The following SLCO1B3 variants were observed in gnomAD, a reference collection of about 807,000 sequenced individuals.
The protein encoded by SLCO1B3 is solute carrier organic anion transporter family member 1B3.
In SLCO1B3, 72 loss-of-function variants were observed where a neutral mutation model predicts 71.8. The observed-to-expected ratio is 1.00, with a 90% CI of 0.83 to 1.22. SLCO1B3 has a LOEUF of 1.22. Ranked by LOEUF, SLCO1B3 falls within the 50% of genes most tolerant of loss-of-function variation. SLCO1B3 has a pLI of 0.00. For synonymous variants in SLCO1B3, 298 were observed against 278.4 expected, an observed-to-expected ratio of 1.07 and a Z score of -0.70; for missense variants, 911 against 819.7, an observed-to-expected ratio of 1.11 and a Z score of -1.36.
intron 3 of SLCO1B3, among the ~76,000 whole-genome samples, chr12:20,839,536 A>G (rs1414010818): frequency 3.3e-5 from 5 of 152,080 alleles, no homozygotes; most frequent in Admixed American, 2.0e-4. Context: ...CTTTGTTCCT[A>G]TATAGGTAAG....
chr12:20,819,990 G>A (rs1251911454), intron 3 of SLCO1B3, among the ~76,000 whole-genome samples: 2 of 152,008 alleles, frequency 1.3e-5, no homozygotes, highest in African/African-American at 2.4e-5. Flanking sequence ...GCCTAATAAG[G>A]GAACTGGGCA....
rs1374033529 is a variant in SLCO1B3, at chr12:20,862,858, A to G, written c.727+4A>G. ...GATATTGGATATGTAGATCTGAGTA[A>G]GTACAATTAGAACAAGGTACCATGA... On this transcript the variant is annotated splice_donor_region_variant and intron_variant, in intron 8 of 15. Coordinates refer to ENST00000381545, the MANE Select transcript of SLCO1B3 (RefSeq NM_019844.4). The G allele has an allele frequency of 6.7e-7, 1 of 1,497,552 alleles. No individual in the cohort carries two copies. Among genetic ancestry groups the G allele is most frequent in the Admixed American group, 1.7e-5 (1 of 59,242 alleles). 92.8% of individuals were successfully genotyped at this position (1,497,552 alleles called of 1,614,324 possible). A position where few individuals can be genotyped will look rare whatever the true frequency, so the allele number is the denominator to read the frequency against.
chr12:20,886,042 T>C (rs1030204753), intron 13 of SLCO1B3, among the ~76,000 whole-genome samples: 1 of 152,094 alleles, frequency 6.6e-6, no homozygotes, highest in African/African-American at 2.4e-5. Context: ...GCTTCATTCT[T>C]TGTTTTGTTT....
At chr12:20,900,373 AG>A (rs1174900851) in intron 14 of SLCO1B3, among the ~76,000 whole-genome samples, 31 of 152,224 alleles carry the variant, frequency 2.0e-4, no homozygotes, top group African/African-American at 6.8e-4. Context: ...AAACAGAACA[AG>A]AACAAAGTAA....
intron 3 of SLCO1B3, among the ~76,000 whole-genome samples, chr12:20,824,295 A>G (rs536508885): frequency 2.0e-5 from 3 of 152,184 alleles, no homozygotes; most frequent in East Asian, 1.9e-4. Flanking sequence ...GGTCCATGCA[A>G]TTAACTCCAT....
intron 3 of SLCO1B3, among the ~76,000 whole-genome samples, chr12:20,833,191 G>A (rs1269183212): frequency 1.3e-5 from 2 of 152,020 alleles, no homozygotes; most frequent in Non-Finnish European, 2.9e-5. Flanking sequence ...TGATTACAAT[G>A]GATTCACTAG....
In SLCO1B3 at chr12:20,862,205, G is replaced by T. The variant is rs1017385; in HGVS notation, c.482-207G>T. ...ATCTAGAATAACATTTGCAATGATC[G>T]TCTGTGTGTAGTGTAATTATAGAAA... On this transcript the variant is annotated intron_variant, in intron 6 of 15. Coordinates refer to ENST00000381545, the MANE Select transcript of SLCO1B3 (RefSeq NM_019844.4). Among the ~76,000 whole-genome samples, 110,133 of 152,012 alleles carry T rather than the reference G, an allele frequency of 0.72. 42,483 individuals carry two copies. The highest frequency in any genetic ancestry group is 0.9 in the South Asian group (4,338 of 4,820).
At chr12:20,813,272 T>A (rs890854260) in intron 1 of SLCO1B3, among the ~76,000 whole-genome samples, 1 of 152,224 alleles carries the variant, frequency 6.6e-6, no homozygotes, top group Admixed American at 6.5e-5. Context: ...AATTAATGCA[T>A]AAAATATGCA....
At chr12:20,897,051 C>G (rs572767047) in intron 13 of SLCO1B3, among the ~76,000 whole-genome samples, 47 of 152,206 alleles carry the variant, frequency 3.1e-4, no homozygotes, top group African/African-American at 1.1e-3. Flanking sequence ...CCACCGGATC[C>G]CTCCCACAAC....
At chr12:20,896,783 C>T (rs1422336688) in intron 13 of SLCO1B3, among the ~76,000 whole-genome samples, 7 of 152,200 alleles carry the variant, frequency 4.6e-5, no homozygotes, top group East Asian at 3.9e-4. Flanking sequence ...TTTGTTTTTA[C>T]GCTGCTGATA....
rs1029979613 is a variant in SLCO1B3 at position 20,863,136 on chromosome 12, T to A, written c.727+282T>A. Reference sequence around the variant, plus strand: ...GAAATGTCCCTTTCCCAAAACTGACTGGCCCAGTCAAGTAAATTTTATTTT... The same window carrying A: ...GAAATGTCCCTTTCCCAAAACTGACAGGCCCAGTCAAGTAAATTTTATTTT... On this transcript the variant is annotated intron_variant, in intron 8 of 15. Coordinates refer to ENST00000381545, the MANE Select transcript of SLCO1B3 (RefSeq NM_019844.4). Among the ~76,000 whole-genome samples, 15 of 152,208 alleles carry A rather than the reference T, an allele frequency of 9.9e-5. 1 individual carries two copies. Among genetic ancestry groups the A allele is most frequent in the Non-Finnish European group, 2.1e-4 (14 of 68,032 alleles).
rs981264100 is a variant in SLCO1B3 at position 20,855,297 on chromosome 12, T to C, written c.226+128T>C. The C allele has an allele frequency of 5.1e-6, 4 of 777,060 alleles. No homozygotes were observed. In the African/African-American group the frequency reaches 5.3e-5, roughly 10 times the overall value. The allele number at this position is 777,060 out of a possible 1,614,324, so 48.1% of individuals were successfully genotyped here. A position where few individuals can be genotyped will look rare whatever the true frequency, so the allele number is the denominator to read the frequency against. ...GTCTCTCATGGGCAATTTGGCAATA[T>C]GTTAGGATATTTTTGTTGCTATAAA... is the stretch of plus-strand genomic sequence containing the variant. On this transcript the variant is annotated intron_variant, in intron 4 of 15. Transcript: ENST00000381545.
chr12:20,868,009 T>C (rs1369273281), intron 8 of SLCO1B3, among the ~76,000 whole-genome samples: 2 of 152,198 alleles, frequency 1.3e-5, no homozygotes, highest in African/African-American at 2.4e-5. Context: ...AAAAGCGTTA[T>C]GATGACCCAC....
chr12:20,904,613 C>CT (rs1473174613), intron 15 of SLCO1B3, among the ~76,000 whole-genome samples: 1 of 151,960 alleles, frequency 6.6e-6, no homozygotes, highest in Non-Finnish European at 1.5e-5. Context: ...CAGTGGCCCT[C>CT]TTCTTATAGC....
chr12:20,868,981 G>A (rs1439960754), intron 8 of SLCO1B3, among the ~76,000 whole-genome samples: 1 of 152,134 alleles, frequency 6.6e-6, no homozygotes, highest in Non-Finnish European at 1.5e-5. Flanking sequence ...CTAGAAGGCA[G>A]AGCCAAGTGT....
At chr12:20,851,470 G>A (rs1865024421) in intron 3 of SLCO1B3, among the ~76,000 whole-genome samples, 1 of 152,074 alleles carries the variant, frequency 6.6e-6, no homozygotes, top group South Asian at 2.1e-4. Context: ...ATCTTGTTTG[G>A]AGAAATGTTT....
At chr12:20,845,445 C>G (rs1056545788) in intron 3 of SLCO1B3, among the ~76,000 whole-genome samples, 2 of 152,142 alleles carry the variant, frequency 1.3e-5, no homozygotes, top group African/African-American at 4.8e-5. Flanking sequence ...CTGTGACTAC[C>G]GCATTTGTCT....
chr12:20,866,483 A>G (rs1363142318), intron 8 of SLCO1B3, among the ~76,000 whole-genome samples: 1 of 152,148 alleles, frequency 6.6e-6, no homozygotes, highest in East Asian at 1.9e-4. Context: ...GAAAAAGTGA[A>G]GTCATTATAT....
intron 3 of SLCO1B3, among the ~76,000 whole-genome samples, chr12:20,821,779 C>G (rs1300920014): frequency 6.6e-6 from 1 of 152,108 alleles, no homozygotes; most frequent in Non-Finnish European, 1.5e-5. Context: ...TGGTCTGACA[C>G]CTTTGAAATG....
Sources: gnomAD v4.1 joint callset for allele counts (sites outside exome capture counted in the v4.1 genomes callset) on GRCh38, gnomAD v4.1.1 for gene constraint, MANE v1.5 for transcripts, NCBI Gene and HGNC (gene_info 2026-07-23, HGNC 2026-07-21) for gene names.